The following BOLA1 variants were observed in gnomAD, a reference collection of about 807,000 sequenced individuals.
BOLA1 encodes the protein bolA family member 1.
In BOLA1, 6 loss-of-function variants were observed where a neutral mutation model predicts 6.6. That is an observed-to-expected ratio of 0.92 (90% confidence interval 0.50 to 1.81). The LOEUF is 1.81. BOLA1 is among the 40% of genes most tolerant of loss of function. The pLI is 0.01. For missense variants in BOLA1, 183 were observed against 186.8 expected (o/e 0.98, Z 0.12); for synonymous variants, 87 against 85.6 (o/e 1.02, Z -0.09).
Position 149,900,636 on chromosome 1 carries a change from C to G in BOLA1, c.*163C>G, listed in dbSNP as rs1444029294. ...CCGAAGATAGCAACTTGCTTCAGGT[C>G]AAAGTGAACCCGAGAAAAGAGAAGA... On this transcript the variant is annotated 3_prime_UTR_variant, in exon 2 of 2. Coordinates refer to ENST00000369152, the MANE Select transcript of BOLA1 (RefSeq NM_016074.5). The G allele has an allele frequency of 1.4e-6, 1 of 713,006 alleles. No homozygotes were observed. Among genetic ancestry groups the G allele is most frequent in the African/African-American group, 1.8e-5 (1 of 55,442 alleles). 44.2% of individuals were successfully genotyped at this position (713,006 alleles called of 1,614,324 possible). A position where few individuals can be genotyped will look rare whatever the true frequency, so the allele number is the denominator to read the frequency against.
In BOLA1 at chr1:149,900,425, T is replaced by C. The variant is rs2092387227; in HGVS notation, c.366T>C (p.Thr122=). The change falls in exon 2 of 2, where the codon ACT becomes ACC. Residue 122 remains threonine (T), a synonymous_variant. Coordinates refer to ENST00000369152, the MANE Select transcript of BOLA1 (RefSeq NM_016074.5). ...AQWRENSQLD[T]SPPCLGGNKK... is the part of the protein sequence containing the mutation. The stretch of plus-strand genomic sequence containing the variant: ...GGAGAGAGAACTCTCAGCTGGACAC[T>C]AGCCCCCCATGCCTGGGTGGGAACA... 3 of 1,599,438 alleles carry C rather than the reference T, an allele frequency of 1.9e-6. No individual in the cohort carries two copies. The highest frequency in any genetic ancestry group is 2.6e-6 in the Non-Finnish European group (3 of 1,169,400).
intron 1 of BOLA1, 64 bp downstream of exon 1, chr1:149,899,736 C>G (rs1553761551): frequency 2.9e-6 from 1 of 340,050 alleles, no homozygotes; most frequent in Non-Finnish European, 5.4e-6. Context: ...CACAAGTACG[C>G]AGTTGCACAT....
At position 149,900,291 on chromosome 1, in the gene BOLA1, G is replaced by T; in HGVS notation, c.232G>T (p.Glu78Ter). 1 of 1,613,610 alleles carries T rather than the reference G, an allele frequency of 6.2e-7. No homozygotes were observed. The highest frequency in any genetic ancestry group is 1.1e-5 in the South Asian group (1 of 91,060). The change falls in exon 2 of 2, where the codon GAG (glutamate) becomes TAG (stop). Residue 78 changes from glutamate (E) to a stop codon, truncating the protein, a stop_gained. Transcript: ENST00000369152. LOFTEE classifies it high-confidence loss of function. The part of the protein sequence containing the change: ...FRVAVVSSRF[E>*]GLSPLQRHRL... ...CGTGGCTGTGGTGAGCTCTCGTTTC[G>T]AGGGACTGAGCCCCCTACAACGACA...
At position 149,900,441 on chromosome 1, in the gene BOLA1, G is replaced by C. The variant is rs141984364; in HGVS notation, c.382G>C (p.Gly128Arg). Reference sequence around the variant, plus strand: ...GCTGGACACTAGCCCCCCATGCCTGGGTGGGAACAAGAAAACTCTAGGAAC... The same window carrying C: ...GCTGGACACTAGCCCCCCATGCCTGCGTGGGAACAAGAAAACTCTAGGAAC... ...SQLDTSPPCL[G>R]GNKKTLGTP is the part of the protein sequence containing the mutation. The change falls in exon 2 of 2, where the codon GGT (glycine) becomes CGT (arginine). Residue 128 changes from glycine to arginine, a missense_variant. Transcript: ENST00000369152. 3,109 of 1,588,578 alleles carry C rather than the reference G, an allele frequency of 2.0e-3. 4 individuals are homozygous for C. The highest frequency in any genetic ancestry group is 2.4e-3 in the Non-Finnish European group (2,773 of 1,162,664).
In BOLA1 at chr1:149,900,466, C is replaced by T; in HGVS notation, c.407C>T (p.Thr136Ile). 5 of 1,568,926 alleles carry T rather than the reference C, an allele frequency of 3.2e-6. No individual in the cohort carries two copies. The highest frequency in any genetic ancestry group is 4.3e-6 in the Non-Finnish European group (5 of 1,153,338). ...CLGGNKKTLGTP is the reference protein window; with the variant it reads ...CLGGNKKTLGIP The stretch of plus-strand genomic sequence containing the variant: ...GGTGGGAACAAGAAAACTCTAGGAA[C>T]CCCCTGAACCCCAAGAGAGGGAGGA... The change falls in exon 2 of 2, where the codon ACC (threonine) becomes ATC (isoleucine). Residue 136 changes from threonine to isoleucine, a missense_variant. Thr to Ile is a moderately conservative substitution (Grantham distance 89, BLOSUM62 -1). Coordinates refer to ENST00000369152, the MANE Select transcript of BOLA1 (RefSeq NM_016074.5).
At chr1:149,899,969 C>CATTAAAAAA in intron 1 of BOLA1, 41 bp from the exon 2 acceptor site, 3 of 1,472,748 alleles carry the variant, frequency 2.0e-6, no homozygotes, top group Admixed American at 4.4e-5. Flanking sequence ...AGGGCGGATG[C>CATTAAAAAA]GGGGATCGCG....
chr1:149,900,168 C>T lies in BOLA1; in HGVS notation c.109C>T (p.Arg37Cys), dbSNP rs782230300. Residue 37 changes from arginine to cysteine, a missense_variant, in exon 2 of 2, where the codon CGC (arginine) becomes TGC (cysteine). Physicochemically the swap from Arg to Cys is radical, Grantham distance 180. Coordinates refer to ENST00000369152, the MANE Select transcript of BOLA1 (RefSeq NM_016074.5). Reference sequence around the variant, plus strand: ...CATCGGTCCGGTGGAGGCCGCCATTCGCACGAAGTTGGAGGAGGCCCTGAG... The same window carrying T: ...CATCGGTCCGGTGGAGGCCGCCATTTGCACGAAGTTGGAGGAGGCCCTGAG... ...GAIGPVEAAI[R>C]TKLEEALSPE... The T allele has an allele frequency of 1.2e-6, 2 of 1,613,748 alleles. No individual in the cohort carries two copies. The highest frequency in any genetic ancestry group is 1.7e-6 in the Non-Finnish European group (2 of 1,179,844).
chr1:149,899,837 C>T (rs1426369016), intron 1 of BOLA1, 165 bp downstream of exon 1: 4 of 528,234 alleles, frequency 7.6e-6, no homozygotes, highest in Non-Finnish European at 1.3e-5. Context: ...CCCTTCACTT[C>T]CACAGCTGGA....
Position 149,900,099 on chromosome 1 carries a change from G to T in BOLA1, c.40G>T (p.Ala14Ser), listed in dbSNP as rs1553761643. Reference sequence around the variant, plus strand: ...GCTGGTCCTGGGTCTGGTCTCCATGGCTGGCCGCGTTTGTTTGTGCCAGGG... The same window carrying T: ...GCTGGTCCTGGGTCTGGTCTCCATGTCTGGCCGCGTTTGTTTGTGCCAGGG... Reference protein sequence around the residue: ...GRLVLGLVSMAGRVCLCQGSA... With the variant: ...GRLVLGLVSMSGRVCLCQGSA... Residue 14 changes from alanine to serine, a missense_variant, in exon 2 of 2, where the codon GCT becomes TCT. By Grantham distance (99) the Ala-to-Ser change is moderately conservative (BLOSUM62 1). Coordinates refer to ENST00000369152, the MANE Select transcript of BOLA1 (RefSeq NM_016074.5). 4 of 1,609,072 alleles carry T rather than the reference G, an allele frequency of 2.5e-6. No individual in the cohort carries two copies. Among genetic ancestry groups the T allele is most frequent in the Admixed American group, 3.3e-5 (2 of 59,744 alleles).
Position 149,900,100 on chromosome 1 carries a change from C to G in BOLA1, c.41C>G (p.Ala14Gly), listed in dbSNP as rs1553761645. The G allele has an allele frequency of 6.2e-7, 1 of 1,609,224 alleles. No homozygotes were observed. The highest frequency in any genetic ancestry group is 8.5e-7 in the Non-Finnish European group (1 of 1,176,866). ...GRLVLGLVSM[A>G]GRVCLCQGSA... ...CTGGTCCTGGGTCTGGTCTCCATGG[C>G]TGGCCGCGTTTGTTTGTGCCAGGGC... Residue 14 changes from alanine to glycine, a missense_variant, in exon 2 of 2, where the codon GCT becomes GGT. By Grantham distance (60) the Ala-to-Gly change is moderately conservative. Transcript: ENST00000369152.
chr1:149,900,387 AC>A lies in BOLA1; in HGVS notation c.333del (p.Ala112ProfsTer23). The A allele has an allele frequency of 6.2e-7, 1 of 1,612,028 alleles. No homozygotes were observed. The highest frequency in any genetic ancestry group is 8.5e-7 in the Non-Finnish European group (1 of 1,179,078). On this transcript the variant is annotated frameshift_variant, in exon 2 of 2. Transcript: ENST00000369152. LOFTEE classifies it high-confidence loss of function. ...CCATGCGCTGGCCATCCAGGCACGG[AC>A]CCCCGCCCAGTGGAGAGAGAACTCT... ...PVHALAIQAR[T>X]PAQWRENSQL...
At position 149,900,747 on chromosome 1, in the gene BOLA1, C is replaced by A; in HGVS notation, c.*274C>A. The stretch of plus-strand genomic sequence containing the variant: ...TAAATCGTGACAGAATTGCACCAGA[C>A]CTGATGAGTTGGAAACAATCCTATA... On this transcript the variant is annotated 3_prime_UTR_variant, in exon 2 of 2. Coordinates refer to ENST00000369152, the MANE Select transcript of BOLA1 (RefSeq NM_016074.5). 4 of 404,292 alleles carry A rather than the reference C, an allele frequency of 9.9e-6. No homozygotes were observed. The highest frequency in any genetic ancestry group is 1.4e-5 in the Non-Finnish European group (3 of 221,880). 25.0% of individuals were successfully genotyped at this position (404,292 alleles called of 1,614,324 possible).
rs782652542 is a variant in BOLA1 at position 149,900,056 on chromosome 1, G to C, written c.-4G>C. ...TCCTGGCGTCTGAGTCTCTGGCGTA[G>C]CCCATGCTGAGTGGGCGGCTGGTCC... On this transcript the variant is annotated 5_prime_UTR_variant, in exon 2 of 2. Coordinates refer to ENST00000369152, the MANE Select transcript of BOLA1 (RefSeq NM_016074.5). 6 of 1,584,064 alleles carry C rather than the reference G, an allele frequency of 3.8e-6. No homozygotes were observed. Among genetic ancestry groups the C allele is most frequent in the Non-Finnish European group, 5.2e-6 (6 of 1,161,018 alleles).
Position 149,900,304 on chromosome 1 carries a change from C to T in BOLA1, c.245C>T (p.Pro82Leu). ...VVSSRFEGLS[P>L]LQRHRLVHAA... ...AGCTCTCGTTTCGAGGGACTGAGCC[C>T]CCTACAACGACACCGGCTGGTCCAC... Residue 82 changes from proline to leucine, a missense_variant, in exon 2 of 2, where the codon CCC (proline) becomes CTC (leucine). Pro to Leu is a moderately conservative substitution (Grantham distance 98). Coordinates refer to ENST00000369152, the MANE Select transcript of BOLA1 (RefSeq NM_016074.5). 2 of 1,613,730 alleles carry T rather than the reference C, an allele frequency of 1.2e-6. No homozygotes were observed. Among genetic ancestry groups the T allele is most frequent in the Non-Finnish European group, 1.7e-6 (2 of 1,179,946 alleles).
In BOLA1 at chr1:149,900,168, C is replaced by A. The variant is rs782230300; in HGVS notation, c.109C>A (p.Arg37Ser). The change falls in exon 2 of 2, where the codon CGC becomes AGC. Residue 37 changes from arginine (R) to serine (S), a missense_variant. By Grantham distance (110) the Arg-to-Ser change is moderately radical. Transcript: ENST00000369152. Reference sequence around the variant, plus strand: ...CATCGGTCCGGTGGAGGCCGCCATTCGCACGAAGTTGGAGGAGGCCCTGAG... The same window carrying A: ...CATCGGTCCGGTGGAGGCCGCCATTAGCACGAAGTTGGAGGAGGCCCTGAG... ...GAIGPVEAAI[R>S]TKLEEALSPE... 1 of 1,613,630 alleles carries A rather than the reference C, an allele frequency of 6.2e-7. No individual in the cohort carries two copies. The highest frequency in any genetic ancestry group is 8.5e-7 in the Non-Finnish European group (1 of 1,179,852).
At position 149,900,542 on chromosome 1, in the gene BOLA1, G is replaced by GAT; in HGVS notation, c.*71_*72dup. On this transcript the variant is annotated 3_prime_UTR_variant, in exon 2 of 2. Coordinates refer to ENST00000369152, the MANE Select transcript of BOLA1 (RefSeq NM_016074.5). ...CACGAATTACCGAGGCCTTCCCTTT[G>GAT]ATACAGTCCAGGATTTGTAAGGGAT... The GAT allele has an allele frequency of 1.3e-6, 2 of 1,489,080 alleles. No homozygotes were observed. Among genetic ancestry groups the GAT allele is most frequent in the Non-Finnish European group, 1.8e-6 (2 of 1,108,102 alleles). 92.2% of individuals were successfully genotyped at this position (1,489,080 alleles called of 1,614,324 possible).
Position 149,900,218 on chromosome 1 carries a change from C to T in BOLA1, c.159C>T (p.Asn53=). The stretch of plus-strand genomic sequence containing the variant: ...GCCCCGAGGTGCTAGAGCTTCGCAA[C>T]GAGAGCGGTGGCCACGCGGTCCCGC... ...ALSPEVLELR[N]ESGGHAVPPG... Residue 53 remains asparagine (N), a synonymous_variant, in exon 2 of 2, where the codon AAC becomes AAT. Coordinates refer to ENST00000369152, the MANE Select transcript of BOLA1 (RefSeq NM_016074.5). 6.2e-7 allele frequency: 1 copy of T among 1,613,474 alleles called. No homozygotes were observed. The highest frequency in any genetic ancestry group is 8.5e-7 in the Non-Finnish European group (1 of 1,179,572).
chr1:149,900,495 G>GGA lies in BOLA1; in HGVS notation c.*23_*24dup. ...CTGAACCCCAAGAGAGGGAGGACCA[G>GGA]GATCCGAATGGGCTGGGTGAGCACG... On this transcript the variant is annotated 3_prime_UTR_variant, in exon 2 of 2. Transcript: ENST00000369152. 1 of 1,541,214 alleles carries GGA rather than the reference G, an allele frequency of 6.5e-7. No homozygotes were observed. Among genetic ancestry groups the GGA allele is most frequent in the Non-Finnish European group, 8.8e-7 (1 of 1,140,936 alleles).
chr1:149,899,945 C>CT, intron 1 of BOLA1, 65 bp from the exon 2 acceptor site: 2 of 1,373,676 alleles, frequency 1.5e-6, no homozygotes, highest in Admixed American at 2.5e-5. Context: ...GTGTGGACGT[C>CT]CGGGCGTGGG....
Sources: gnomAD v4.1 joint callset for allele counts on GRCh38, gnomAD v4.1.1 for gene constraint, MANE v1.5 for transcripts, NCBI Gene and HGNC (gene_info 2026-07-23, HGNC 2026-07-21) for gene names.